Variants in LMO3 observed in about 807,000 individuals in gnomAD.
LMO3 encodes LIM domain only protein 3.
Under a neutral mutation model 15.8 loss-of-function variants are expected in LMO3, and 2 were observed. The observed-to-expected ratio is 0.13, with a 90% confidence interval of 0.05 to 0.40. The LOEUF is 0.40. Among genes scored for constraint, LMO3 ranks in the 10% least tolerant of loss-of-function variants. The pLI is 0.99. For missense variants in LMO3, 86 were observed against 182.2 expected (o/e 0.47, Z 3.04); for synonymous variants, 62 against 63.8 (o/e 0.97, Z 0.13).
Position 16,550,235 on chromosome 12 carries a change from A to C in LMO3, c.*987T>G, listed in dbSNP as rs1941938548. The C allele has an allele frequency of 6.6e-6, 1 of 152,424 alleles. No homozygotes were observed. Among genetic ancestry groups the C allele is most frequent in the South Asian group, 2.1e-4 (1 of 4,832 alleles). The allele number at this position is 152,424 out of a possible 1,614,324, so 9.4% of individuals were successfully genotyped here. ...GTGTCATACATTTATTAAGCCATAA[A>C]GTTATGAAACCCTCAGCTCTTGTGG... On this transcript the variant is annotated 3_prime_UTR_variant, in exon 4 of 4. Coordinates refer to ENST00000537304, the MANE Select transcript of LMO3 (RefSeq NM_018640.5).
rs1383565049 is a variant in LMO3 at position 16,549,434 on chromosome 12, T to C, written c.*1788A>G. The C allele has an allele frequency of 6.6e-6, 1 of 152,486 alleles. No homozygotes were observed. The highest frequency in any genetic ancestry group is 1.5e-5 in the Non-Finnish European group (1 of 67,988). 9.4% of individuals were successfully genotyped at this position (152,486 alleles called of 1,614,324 possible). A position where few individuals can be genotyped will look rare whatever the true frequency, so the allele number is the denominator to read the frequency against. Reference sequence around the variant, plus strand: ...ATTTTCTTAAAAATAAGAGGCAATATCCAGATTCACATGCATGTTCATAAT... The same window carrying C: ...ATTTTCTTAAAAATAAGAGGCAATACCCAGATTCACATGCATGTTCATAAT... On this transcript the variant is annotated 3_prime_UTR_variant, in exon 4 of 4. Transcript: ENST00000537304.
chr12:16,609,194 T>A (rs755898314), upstream of LMO3: 1 of 152,160 alleles, frequency 6.6e-6, no homozygotes, highest in South Asian at 2.1e-4. Flanking sequence ...AATATACAAG[T>A]GCACACAAAG....
At chr12:16,605,700 C>T (rs1943971450) in intron 1 of LMO3, 2 of 1,389,280 alleles carry the variant, frequency 1.4e-6, no homozygotes, top group Non-Finnish European at 2.0e-6. Context: ...CCTCTCTCCC[C>T]GGGAGTCAGG....
chr12:16,549,713 G>A lies in LMO3; in HGVS notation c.*1509C>T, dbSNP rs1237002346. The A allele has an allele frequency of 6.6e-6, 1 of 152,092 alleles. No individual in the cohort carries two copies. The highest frequency in any genetic ancestry group is 1.5e-5 in the Non-Finnish European group (1 of 67,978). The allele number at this position is 152,092 out of a possible 1,614,324, so 9.4% of individuals were successfully genotyped here. A position where few individuals can be genotyped will look rare whatever the true frequency, so the allele number is the denominator to read the frequency against. ...TGGTTAACGGTGCCGTGCAAAATTA[G>A]ATTTGTTGAAAAGTAGTTCTATTAC... On this transcript the variant is annotated 3_prime_UTR_variant, in exon 4 of 4. Transcript: ENST00000537304.
At chr12:16,592,951 G>A (rs1041033095) in intron 2 of LMO3, among the ~76,000 whole-genome samples, 5 of 151,776 alleles carry the variant, frequency 3.3e-5, no homozygotes, top group African/African-American at 1.2e-4. Context: ...GAAACTAGGA[G>A]TAAAGTAATG....
chr12:16,565,983 C>T (rs756275865), intron 2 of LMO3, among the ~76,000 whole-genome samples: 99 of 43,842 alleles, frequency 2.3e-3, no homozygotes, highest in East Asian at 0.01. Context: ...GAAAATGTGC[C>T]ATATATATAT....
intron 1 of LMO3, chr12:16,602,350 T>G (rs1943849383): frequency 1.3e-5 from 2 of 152,152 alleles, no homozygotes; most frequent in African/African-American, 4.8e-5. Context: ...ATCCCACTGG[T>G]AAGAGACATC....
Position 16,597,534 on chromosome 12 carries a change from C to T in LMO3, c.206+3121G>A, listed in dbSNP as rs1032145464. The T allele has an allele frequency of 6.6e-6, 1 of 151,656 alleles. No homozygotes were observed. The highest frequency in any genetic ancestry group is 1.5e-5 in the Non-Finnish European group (1 of 67,734). 9.4% of individuals were successfully genotyped at this position (151,656 alleles called of 1,614,324 possible). On this transcript the variant is annotated intron_variant, in intron 2 of 3. Coordinates refer to ENST00000537304, the MANE Select transcript of LMO3 (RefSeq NM_018640.5). The surrounding 1 kb of genome is among the most constrained non-coding windows in gnomAD (Gnocchi z 5.0). ...ATGGAGGGAGAAGTGTATTAAGAAG[C>T]TAAATGTAATTGGCAAAAATATTTT...
chr12:16,605,137 T>C (rs1258468809), intron 1 of LMO3: 29 of 1,404,062 alleles, frequency 2.1e-5, no homozygotes, highest in Non-Finnish European at 2.6e-5. Context: ...GTGTGCAAAA[T>C]GATGGCGAAT....
At chr12:16,577,696 A>G (rs1305684668) in intron 2 of LMO3, among the ~76,000 whole-genome samples, 1 of 152,174 alleles carries the variant, frequency 6.6e-6, no homozygotes, top group Non-Finnish European at 1.5e-5. Flanking sequence ...ACACATCTAG[A>G]GGAGAATTTT....
In LMO3 at chr12:16,587,790, C is replaced by G. The variant is rs1943367085; in HGVS notation, c.206+12865G>C. On this transcript the variant is annotated intron_variant, in intron 2 of 3. Coordinates refer to ENST00000537304, the MANE Select transcript of LMO3 (RefSeq NM_018640.5). This position sits in a 1 kb window ranked among gnomAD's most constrained non-coding sequence, Gnocchi z 4.3. ...TTAGCATTTATCTGTCTAAAAATCT[C>G]ACTGTGTCCTGAATGGGGGGTTTCA... is the stretch of plus-strand genomic sequence containing the variant. 6.6e-6 allele frequency among the ~76,000 whole-genome samples: 1 copy of G among 151,828 alleles called. No individual in the cohort carries two copies. The highest frequency in any genetic ancestry group is 6.6e-5 in the Admixed American group (1 of 15,216).
rs186433462 is a variant in LMO3, at chr12:16,558,484, A to G, written c.332+1929T>C. Reference sequence around the variant, plus strand: ...AAGACACCTTTAAAATGTATAAAATACATATATACATGCACATAAAGGTGT... The same window carrying G: ...AAGACACCTTTAAAATGTATAAAATGCATATATACATGCACATAAAGGTGT... On this transcript the variant is annotated intron_variant, in intron 3 of 3. Coordinates refer to ENST00000537304, the MANE Select transcript of LMO3 (RefSeq NM_018640.5). 9.5e-4 allele frequency among the ~76,000 whole-genome samples: 144 copies of G among 152,234 alleles called. 1 individual carries two copies. Among genetic ancestry groups the G allele is most frequent in the African/African-American group, 3.0e-3 (125 of 41,570 alleles).
At chr12:16,605,174 T>C in intron 1 of LMO3, 1 of 1,363,730 alleles carries the variant, frequency 7.3e-7, no homozygotes, top group Non-Finnish European at 9.4e-7. Context: ...TCCCTAACTC[T>C]GCCCGTAATC....
rs1943500834 is a variant in LMO3, at chr12:16,591,735, G to C, written c.206+8920C>G. 6.6e-6 allele frequency among the ~76,000 whole-genome samples: 1 copy of C among 152,022 alleles called. No individual in the cohort carries two copies. Among genetic ancestry groups the C allele is most frequent in the Non-Finnish European group, 1.5e-5 (1 of 67,964 alleles). ...GATAAGAGATGGAACAATACAAATAGCATGAAAGTTACAAGCTAAGTCTGT... is the reference window on the plus strand; with the variant it reads ...GATAAGAGATGGAACAATACAAATACCATGAAAGTTACAAGCTAAGTCTGT... On this transcript the variant is annotated intron_variant, in intron 2 of 3. Transcript: ENST00000537304. The surrounding 1 kb of genome is among the most constrained non-coding windows in gnomAD (Gnocchi z 4.1).
rs1478706395 is a variant in LMO3, at chr12:16,603,634, C to T, written c.-9+2432G>A. On this transcript the variant is annotated intron_variant, in intron 1 of 3. Coordinates refer to ENST00000537304, the MANE Select transcript of LMO3 (RefSeq NM_018640.5). The surrounding 1 kb of genome is among the most constrained non-coding windows in gnomAD (Gnocchi z 4.9). Reference sequence around the variant, plus strand: ...ATTAAAAAAAAGACATAAATAATAGCCTGTGCAGTGTGGTGTGCAGAAATA... The same window carrying T: ...ATTAAAAAAAAGACATAAATAATAGTCTGTGCAGTGTGGTGTGCAGAAATA... Among the ~76,000 whole-genome samples, 2 of 152,094 alleles carry T rather than the reference C, an allele frequency of 1.3e-5. No individual in the cohort carries two copies. The highest frequency in any genetic ancestry group is 4.8e-5 in the African/African-American group (2 of 41,418).
intron 2 of LMO3, among the ~76,000 whole-genome samples, chr12:16,561,314 A>G (rs1942397684): frequency 6.6e-6 from 1 of 152,222 alleles, no homozygotes; most frequent in Non-Finnish European, 1.5e-5. Context: ...CACTGGCAAT[A>G]TTTAAACCAA....
At chr12:16,578,953 G>T (rs1038498240) in intron 2 of LMO3, among the ~76,000 whole-genome samples, 12 of 152,174 alleles carry the variant, frequency 7.9e-5, no homozygotes, top group Admixed American at 6.5e-4. Context: ...AAAAGAAAAA[G>T]TTCTTTATTC....
intron 1 of LMO3, chr12:16,605,862 C>G (rs1489919339): frequency 6.6e-7 from 1 of 1,524,012 alleles, no homozygotes; most frequent in Non-Finnish European, 8.8e-7. Flanking sequence ...AATGAAGCCT[C>G]ACATGATTTA....
Position 16,550,317 on chromosome 12 carries a change from C to CT in LMO3, c.*904dup, listed in dbSNP as rs1457003701. On this transcript the variant is annotated 3_prime_UTR_variant, in exon 4 of 4. Transcript: ENST00000537304. ...GTTTAATTTATCACTTAAAAATCAT[C>CT]TCATAATTGTGGTAACAGATTTTTA... 1 of 152,358 alleles carries CT rather than the reference C, an allele frequency of 6.6e-6. No individual in the cohort carries two copies. The highest frequency in any genetic ancestry group is 1.5e-5 in the Non-Finnish European group (1 of 67,884). 9.4% of individuals were successfully genotyped at this position (152,358 alleles called of 1,614,324 possible).
Sources: allele counts gnomAD v4.1 joint callset (sites outside exome capture counted in the v4.1 genomes callset), GRCh38; gene constraint gnomAD v4.1.1; non-coding constraint Gnocchi (gnomAD v3.1); transcripts MANE v1.5; gene names NCBI Gene and HGNC (gene_info 2026-07-23, HGNC 2026-07-21).